The following KCNU1 variants were observed in gnomAD, a reference collection of about 807,000 sequenced individuals.
KCNU1 encodes the protein potassium channel subfamily U member 1.
In KCNU1, 93 loss-of-function variants were observed where a neutral mutation model predicts 126.8. The ratio of observed to expected loss-of-function variants is 0.73; its 90% CI spans 0.62 to 0.87. KCNU1 has a LOEUF of 0.87. KCNU1 is among the 40% of genes least tolerant of loss of function. KCNU1 has a pLI of 0.00. For missense variants in KCNU1, 1,330 were observed against 1,367.1 expected (o/e 0.97, Z 0.43); for synonymous variants, 523 against 494.2 (o/e 1.06, Z -0.77).
chr8:36,828,941 G>T (rs1804425307), intron 10 of KCNU1, among the ~76,000 whole-genome samples: 1 of 152,010 alleles, frequency 6.6e-6, no homozygotes, highest in Non-Finnish European at 1.5e-5. Context: ...ATGGTTATAT[G>T]TTTTAAGCTT....
At position 36,840,813 on chromosome 8, in the gene KCNU1, A is replaced by G. The variant is rs1804922245; in HGVS notation, c.1632-119A>G. 7.9e-6 allele frequency: 6 copies of G among 763,268 alleles called. No homozygotes were observed. In the East Asian group the frequency reaches 1.3e-4, roughly 17 times the overall value. The allele number at this position is 763,268 out of a possible 1,614,324, so 47.3% of individuals were successfully genotyped here. On this transcript the variant is annotated intron_variant, in intron 15 of 26. Coordinates refer to ENST00000399881, the MANE Select transcript of KCNU1 (RefSeq NM_001031836.3). ...ATTCACTTACAAGGGATCATTCCAC[A>G]TTGGGAGTTCTTTCCTCTAAGATGT...
chr8:36,832,680 C>G (rs1048145013), intron 10 of KCNU1, among the ~76,000 whole-genome samples: 2 of 152,014 alleles, frequency 1.3e-5, no homozygotes, highest in Admixed American at 6.6e-5. Context: ...AAAGAACTGA[C>G]TTTTGATGTG....
At chr8:36,879,590 G>A (rs1361433146) in intron 19 of KCNU1, among the ~76,000 whole-genome samples, 1 of 152,104 alleles carries the variant, frequency 6.6e-6, no homozygotes, top group African/African-American at 2.4e-5. Context: ...TCAGAAAATT[G>A]GGGAAATTAA....
At chr8:36,913,673 C>A (rs1209151703) in intron 22 of KCNU1, among the ~76,000 whole-genome samples, 1 of 149,038 alleles carries the variant, frequency 6.7e-6, no homozygotes, top group Non-Finnish European at 1.5e-5. Context: ...GCGATCTTGG[C>A]TCACTGCAAG....
At chr8:36,800,664 G>C (rs2130387073) in intron 2 of KCNU1, among the ~76,000 whole-genome samples, 1 of 152,294 alleles carries the variant, frequency 6.6e-6, no homozygotes, top group South Asian at 2.1e-4. Context: ...AGCTCTTCCA[G>C]ATTTTGCTCC....
intron 19 of KCNU1, among the ~76,000 whole-genome samples, chr8:36,900,931 C>T (rs1421717651): frequency 6.6e-6 from 1 of 151,874 alleles, no homozygotes; most frequent in African/African-American, 2.4e-5. Context: ...AATCTTGCCC[C>T]AAAAATATAT....
At chr8:36,869,097 G>T (rs1806011020) in intron 19 of KCNU1, among the ~76,000 whole-genome samples, 1 of 152,146 alleles carries the variant, frequency 6.6e-6, no homozygotes, top group Non-Finnish European at 1.5e-5. Flanking sequence ...AGAAAGAAAA[G>T]TTTTAGATAC....
At chr8:36,928,262 T>A (rs1218964013) in intron 24 of KCNU1, among the ~76,000 whole-genome samples, 1 of 152,166 alleles carries the variant, frequency 6.6e-6, no homozygotes, top group Non-Finnish European at 1.5e-5. Flanking sequence ...GCACATGTTT[T>A]CCTAGAGCTA....
At chr8:36,796,708 T>C (rs2130368680) in intron 2 of KCNU1, among the ~76,000 whole-genome samples, 1 of 152,348 alleles carries the variant, frequency 6.6e-6, no homozygotes, top group Non-Finnish European at 1.5e-5. Flanking sequence ...TTCATTGTAT[T>C]CCTACTGGAC....
At chr8:36,792,137 A>G (rs1291491083) in intron 2 of KCNU1, among the ~76,000 whole-genome samples, 1 of 152,218 alleles carries the variant, frequency 6.6e-6, no homozygotes, top group Admixed American at 6.5e-5. Context: ...TTTTAAAAGT[A>G]CAAAGTAAAA....
intron 19 of KCNU1, among the ~76,000 whole-genome samples, chr8:36,871,925 AG>A (rs1323335709): frequency 6.6e-6 from 1 of 152,196 alleles, no homozygotes; most frequent in South Asian, 2.1e-4. Flanking sequence ...CATATATAAA[AG>A]ACCAACTCTA....
At chr8:36,925,354 G>A (rs78355863) in intron 24 of KCNU1, among the ~76,000 whole-genome samples, 1,525 of 152,228 alleles carry the variant, frequency 0.01, 17 homozygotes, top group African/African-American at 0.034. Flanking sequence ...GGAAGAAAGC[G>A]TCTTCTATGT....
intron 18 of KCNU1, among the ~76,000 whole-genome samples, chr8:36,851,389 C>G (rs545306283): frequency 1.4e-5 from 2 of 147,336 alleles, no homozygotes; most frequent in African/African-American, 4.9e-5. Context: ...CTCTCTCTAT[C>G]TCTCTCTCTC....
At chr8:36,854,763 T>A (rs1034084340) in intron 18 of KCNU1, among the ~76,000 whole-genome samples, 1 of 152,190 alleles carries the variant, frequency 6.6e-6, no homozygotes. Context: ...CTTTTTCCTA[T>A]GTATTTTTAT....
chr8:36,898,972 C>T (rs763048590), intron 19 of KCNU1, among the ~76,000 whole-genome samples: 5 of 152,016 alleles, frequency 3.3e-5, no homozygotes, highest in Non-Finnish European at 7.4e-5. Flanking sequence ...ATTCCAAATG[C>T]AATTTCCATG....
chr8:36,805,281 T>G lies in KCNU1; in HGVS notation c.464T>G (p.Leu155Trp), dbSNP rs1328088457. Residue 155 changes from leucine (L) to tryptophan (W), a missense_variant, in exon 4 of 27, where the codon TTG (leucine) becomes TGG (tryptophan). Transcript: ENST00000399881. The stretch of plus-strand genomic sequence containing the variant: ...GCTTTCTTTAGTTTCTATTTTGGAT[T>G]GAGGGTAAGTACCTATTGAAAGTGG... ...FNAFFSFYFG[L>W]RFMAADDKIK... 2 of 1,575,244 alleles carry G rather than the reference T, an allele frequency of 1.3e-6. No homozygotes were observed. Among genetic ancestry groups the G allele is most frequent in the East Asian group, 2.3e-5 (1 of 44,382 alleles).
chr8:36,886,230 C>CA (rs1242067442), intron 19 of KCNU1, among the ~76,000 whole-genome samples: 1 of 152,184 alleles, frequency 6.6e-6, no homozygotes, highest in Admixed American at 6.5e-5. Context: ...CTACAGCAAA[C>CA]AAACAGTGCA....
rs535671921 is a variant in KCNU1 at position 36,891,354 on chromosome 8, A to G, written c.2010-14354A>G. Among the ~76,000 whole-genome samples the G allele has an allele frequency of 3.3e-5, 5 of 152,168 alleles. No homozygotes were observed. In the South Asian group the frequency reaches 1.0e-3, roughly 32 times the overall value. On this transcript the variant is annotated intron_variant, in intron 19 of 26. Transcript: ENST00000399881. ...CAACTTTATGCTATGATTATCATAC[A>G]AATTACATCTTTATAATATTATAGG...
At chr8:36,888,579 A>G (rs1343654914) in intron 19 of KCNU1, 5 of 533,910 alleles carry the variant, frequency 9.4e-6, no homozygotes, top group Non-Finnish European at 1.5e-5. Context: ...GTGGAGCAGA[A>G]GATGCTCAGT....
Sources: allele counts gnomAD v4.1 joint callset (sites outside exome capture counted in the v4.1 genomes callset), GRCh38; gene constraint gnomAD v4.1.1; transcripts MANE v1.5; gene names NCBI Gene and HGNC (gene_info 2026-07-23, HGNC 2026-07-21).